The following TXNL4B variants were observed in gnomAD, a reference collection of about 807,000 sequenced individuals.
TXNL4B encodes the protein thioredoxin-like protein 4B.
A neutral mutation model predicts 13.0 loss-of-function variants in TXNL4B; 12 were observed. That is an observed-to-expected ratio of 0.92 (90% CI 0.59 to 1.49). The LOEUF (loss-of-function observed/expected upper bound fraction) is 1.49, where lower values mean the gene tolerates loss of function less well. Ranked by LOEUF, TXNL4B falls within the 40% of genes most tolerant of loss-of-function variation. The pLI, the probability that TXNL4B is intolerant of heterozygous loss-of-function variation, is 0.00. For synonymous variants in TXNL4B, 59 were observed against 58.9 expected (o/e 1.00, Z -0.01); for missense variants, 214 against 173.6 (o/e 1.23, Z -1.31).
intron 2 of TXNL4B, chr16:72,090,011 G>A: frequency 2.2e-6 from 1 of 445,056 alleles, no homozygotes; most frequent in Non-Finnish European, 4.5e-6. Context: ...AGAATCCTCT[G>A]GTCCTTTTTT....
At chr16:72,091,139 C>G (rs1306064907) in intron 1 of TXNL4B, among the ~76,000 whole-genome samples, 2 of 152,154 alleles carry the variant, frequency 1.3e-5, no homozygotes, top group Non-Finnish European at 2.9e-5. Flanking sequence ...CGATGACACT[C>G]TCAACTTTGG....
chr16:72,090,034 A>G (rs187198681), intron 2 of TXNL4B: 1 of 451,856 alleles, frequency 2.2e-6, no homozygotes, highest in African/African-American at 2.0e-5. Context: ...CCAAGCTAAC[A>G]CATCACACCC....
rs2041893036 is a variant in TXNL4B at position 72,090,763 on chromosome 16, A to C, written c.-14T>G. On this transcript the variant is annotated 5_prime_UTR_variant, in exon 2 of 4. Coordinates refer to ENST00000268483, the MANE Select transcript of TXNL4B (RefSeq NM_017853.3). ...TAGGAAGCTCATCTTGAAATAACCC[A>C]AATGTGAATCCTCACTGTCACTCCT... 4 of 1,613,874 alleles carry C rather than the reference A, an allele frequency of 2.5e-6. No homozygotes were observed. The highest frequency in any genetic ancestry group is 1.3e-5 in the African/African-American group (1 of 74,898).
intron 2 of TXNL4B, among the ~76,000 whole-genome samples, chr16:72,089,790 C>G (rs2144104408): frequency 6.6e-6 from 1 of 152,294 alleles, no homozygotes; most frequent in African/African-American, 2.4e-5. Context: ...CATTTGTTAA[C>G]TCATTTAATC....
At chr16:72,086,826 A>G (rs2041830501) in intron 3 of TXNL4B, 24 bp from the exon 4 acceptor site, 6 of 1,519,696 alleles carry the variant, frequency 3.9e-6, no homozygotes, top group Non-Finnish European at 4.5e-6. Context: ...AAGAGAAACA[A>G]CTGCTCTAAG....
At chr16:72,088,502 G>A (rs1276290981) in intron 3 of TXNL4B, among the ~76,000 whole-genome samples, 1 of 152,168 alleles carries the variant, frequency 6.6e-6, no homozygotes, top group Non-Finnish European at 1.5e-5. Context: ...ATTCAATGGC[G>A]AAAAGCAGGA....
chr16:72,092,833 G>A (rs1319426297), intron 1 of TXNL4B, among the ~76,000 whole-genome samples: 2 of 152,130 alleles, frequency 1.3e-5, no homozygotes, highest in African/African-American at 4.8e-5. Context: ...TTACCAGTAA[G>A]CAAAGAAAAG....
intron 3 of TXNL4B, 134 bp downstream of exon 3, chr16:72,088,853 A>C (rs2041860834): frequency 1.8e-6 from 1 of 561,800 alleles, no homozygotes; most frequent in Admixed American, 3.0e-5. Flanking sequence ...AAAATTAGAG[A>C]GTGCGTCAAT....
intron 1 of TXNL4B, among the ~76,000 whole-genome samples, 185 bp from the exon 2 acceptor site, chr16:72,090,971 C>T (rs187015837): frequency 3.9e-5 from 6 of 152,292 alleles, no homozygotes; most frequent in Admixed American, 6.5e-5. Context: ...ATTGTTCCCT[C>T]CCCCGGGCCA....
intron 1 of TXNL4B, among the ~76,000 whole-genome samples, chr16:72,092,634 C>A (rs1280164259): frequency 6.6e-6 from 1 of 152,010 alleles, no homozygotes; most frequent in Non-Finnish European, 1.5e-5. Context: ...TGTTACTGAT[C>A]GAAAGGAGAA....
At chr16:72,092,414 G>C (rs1029096207) in intron 1 of TXNL4B, among the ~76,000 whole-genome samples, 1 of 126,992 alleles carries the variant, frequency 7.9e-6, no homozygotes, top group Admixed American at 7.5e-5. Context: ...GCGAAGCTCC[G>C]TCTCCAAAAA....
rs912896974 is a variant in TXNL4B, at chr16:72,085,615, C to T, written c.*1022G>A. The T allele has an allele frequency of 3.9e-5, 6 of 152,144 alleles. No individual in the cohort carries two copies. Among genetic ancestry groups the T allele is most frequent in the African/African-American group, 1.4e-4 (6 of 41,420 alleles). The allele number at this position is 152,144 out of a possible 1,614,324, so 9.4% of individuals were successfully genotyped here. A position where few individuals can be genotyped will look rare whatever the true frequency, so the allele number is the denominator to read the frequency against. ...CAGCAGCTTCTGGGAAAAATCTGCT[C>T]CTGCTAAGGTGGCTCATTCATTGTT... On this transcript the variant is annotated 3_prime_UTR_variant, in exon 4 of 4. Coordinates refer to ENST00000268483, the MANE Select transcript of TXNL4B (RefSeq NM_017853.3).
intron 3 of TXNL4B, among the ~76,000 whole-genome samples, chr16:72,087,889 G>A (rs1009340743): frequency 1.3e-5 from 2 of 151,862 alleles, no homozygotes; most frequent in East Asian, 1.9e-4. Context: ...GCGCGCTCTC[G>A]GCTCACTGCA....
At position 72,090,691 on chromosome 16, in the gene TXNL4B, C is replaced by CTT; in HGVS notation, c.57_58dup (p.Ser20LysfsTer23). The CTT allele has an allele frequency of 1.9e-6, 3 of 1,614,198 alleles. No homozygotes were observed. Among genetic ancestry groups the CTT allele is most frequent in the Non-Finnish European group, 2.5e-6 (3 of 1,180,028 alleles). ...GAGAACCAACACCTTCTCAGCAGTA[C>CTT]TTTTTATCGCCTGGTCTACTTCCTT... is the stretch of plus-strand genomic sequence containing the variant. On this transcript the variant is annotated frameshift_variant, in exon 2 of 4. Coordinates refer to ENST00000268483, the MANE Select transcript of TXNL4B (RefSeq NM_017853.3). LOFTEE classifies it high-confidence loss of function.
upstream of TXNL4B, chr16:72,093,974 G>GC (rs1326034554): frequency 6.6e-6 from 1 of 152,548 alleles, no homozygotes; most frequent in East Asian, 1.9e-4. Flanking sequence ...GGCTCCTTGA[G>GC]CCTGTCTGAG....
chr16:72,089,045 T>G lies in TXNL4B; in HGVS notation c.226A>C (p.Ser76Arg). The G allele has an allele frequency of 6.2e-7, 1 of 1,612,426 alleles. No homozygotes were observed. Among genetic ancestry groups the G allele is most frequent in the Non-Finnish European group, 8.5e-7 (1 of 1,178,554 alleles). Residue 76 changes from serine to arginine, a missense_variant, in exon 3 of 4, where the codon AGT becomes CGT. Ser to Arg is a moderately radical substitution (Grantham distance 110). Coordinates refer to ENST00000268483, the MANE Select transcript of TXNL4B (RefSeq NM_017853.3). The part of the protein sequence containing the change: ...TAVYTQYFDI[S>R]YIPSTVFFFN... ...AAAAAGACAGTAGATGGAATATAAC[T>G]GATGTCAAAATACTGTGTATAAACT...
At position 72,090,663 on chromosome 16, in the gene TXNL4B, C is replaced by G. The variant is rs1317686551; in HGVS notation, c.87G>C (p.Arg29Ser). 6.2e-7 allele frequency: 1 copy of G among 1,614,148 alleles called. No homozygotes were observed. The highest frequency in any genetic ancestry group is 2.2e-5 in the East Asian group (1 of 44,884). ...AGACAGGATCTTCATCTCTCCCAAA[C>G]CTGAGAACCAACACCTTCTCAGCAG... ...KSTAEKVLVL[R>S]FGRDEDPVCL... Residue 29 changes from arginine to serine, a missense_variant, in exon 2 of 4, where the codon AGG (arginine) becomes AGC (serine). Coordinates refer to ENST00000268483, the MANE Select transcript of TXNL4B (RefSeq NM_017853.3).
At chr16:72,092,859 G>A (rs572240841) in intron 1 of TXNL4B, among the ~76,000 whole-genome samples, 10 of 152,344 alleles carry the variant, frequency 6.6e-5, no homozygotes, top group Admixed American at 3.9e-4. Flanking sequence ...TAAAACATAT[G>A]TTTACAAAGT....
At position 72,085,549 on chromosome 16, in the gene TXNL4B, T is replaced by A. The variant is rs571690494; in HGVS notation, c.*1088A>T. The A allele has an allele frequency of 3.9e-5, 6 of 152,376 alleles. No homozygotes were observed. In the East Asian group the frequency reaches 1.2e-3, roughly 29 times the overall value. 9.4% of individuals were successfully genotyped at this position (152,376 alleles called of 1,614,324 possible). A position where few individuals can be genotyped will look rare whatever the true frequency, so the allele number is the denominator to read the frequency against. ...CCAACAATGCTGACATCTCTTTTAG[T>A]TTTGAGCCTTAGTAATCCAATTTTC... On this transcript the variant is annotated 3_prime_UTR_variant, in exon 4 of 4. Transcript: ENST00000268483.
Sources: allele counts gnomAD v4.1 joint callset (sites outside exome capture counted in the v4.1 genomes callset), GRCh38; gene constraint gnomAD v4.1.1; transcripts MANE v1.5; gene names NCBI Gene and HGNC (gene_info 2026-07-23, HGNC 2026-07-21).